Variants in NPFFR2 observed in about 807,000 individuals in gnomAD.
NPFFR2 encodes G-protein coupled receptor 74.
NPFFR2 carries 15 observed loss-of-function variants against 13.1 expected under a neutral mutation model. The observed-to-expected ratio is 1.15, with a 90% CI of 0.77 to 1.76. The LOEUF is 1.76. Ranked by LOEUF, NPFFR2 falls within the 40% of genes most tolerant of loss-of-function variation. The probability of loss-of-function intolerance (pLI) is 0.00; values close to 1 mark genes in which losing one functional copy is unlikely to be tolerated. For missense variants in NPFFR2, 572 were observed against 503.5 expected (o/e 1.14, Z -1.30); for synonymous variants, 190 against 175.7 (o/e 1.08, Z -0.65).
Position 72,147,507 on chromosome 4 carries a change from T to C in NPFFR2, c.958T>C (p.Trp320Arg). 1.9e-6 allele frequency: 3 copies of C among 1,614,220 alleles called. No individual in the cohort carries two copies. Among genetic ancestry groups the C allele is most frequent in the South Asian group, 1.1e-5 (1 of 91,090 alleles). The change falls in exon 4 of 4, where the codon TGG becomes CGG. Residue 320 changes from tryptophan to arginine, a missense_variant. By Grantham distance (101) the Trp-to-Arg change is moderately radical. Coordinates refer to ENST00000308744, the MANE Select transcript of NPFFR2 (RefSeq NM_004885.3). ...INIYIYPFAH[W>R]LAFGNSSVNP... ...CATCTACATCTACCCTTTTGCACACTGGCTGGCATTCGGCAACAGCAGTGT... is the reference window on the plus strand; with the variant it reads ...CATCTACATCTACCCTTTTGCACACCGGCTGGCATTCGGCAACAGCAGTGT...
intron 1 of NPFFR2, among the ~76,000 whole-genome samples, chr4:72,104,887 G>T (rs1467100947): frequency 1.3e-5 from 2 of 151,762 alleles, no homozygotes; most frequent in East Asian, 1.9e-4. Flanking sequence ...ATAGGAAATT[G>T]AGAAACCTGT....
At chr4:72,043,907 T>C (rs1719303949) in intron 1 of NPFFR2, among the ~76,000 whole-genome samples, 1 of 152,136 alleles carries the variant, frequency 6.6e-6, no homozygotes, top group Admixed American at 6.5e-5. Flanking sequence ...CAGAATGACA[T>C]GGTTTGGCTG....
intron 1 of NPFFR2, among the ~76,000 whole-genome samples, chr4:72,048,443 G>A (rs1420816185): frequency 6.6e-6 from 1 of 151,838 alleles, no homozygotes; most frequent in African/African-American, 2.4e-5. Flanking sequence ...ATTTTTCTTG[G>A]CCTCTTATTT....
intron 1 of NPFFR2, among the ~76,000 whole-genome samples, chr4:72,112,207 A>G (rs1721585138): frequency 2.0e-5 from 3 of 151,980 alleles, no homozygotes; most frequent in East Asian, 1.9e-4. Context: ...TTTCTAGACT[A>G]TAATAATTTG....
chr4:72,033,901 C>CTG (rs149608407), intron 1 of NPFFR2, among the ~76,000 whole-genome samples: 54 of 150,426 alleles, frequency 3.6e-4, no homozygotes, highest in South Asian at 1.7e-3. Context: ...TTCTTCGGCT[C>CTG]TGTGTGTGTG....
intron 2 of NPFFR2, among the ~76,000 whole-genome samples, chr4:72,136,476 G>T (rs1454798448): frequency 1.3e-5 from 2 of 152,182 alleles, no homozygotes; most frequent in Non-Finnish European, 2.9e-5. Context: ...TAGCGTGGCT[G>T]CCTGGAAGTT....
At chr4:72,140,965 T>G (rs1029788538) in intron 3 of NPFFR2, among the ~76,000 whole-genome samples, 1 of 152,130 alleles carries the variant, frequency 6.6e-6, no homozygotes, top group African/African-American at 2.4e-5. Flanking sequence ...GTTCAGAGAT[T>G]CAACTTCTTG....
chr4:72,136,713 C>G (rs1722427362), intron 2 of NPFFR2, among the ~76,000 whole-genome samples: 1 of 152,220 alleles, frequency 6.6e-6, no homozygotes, highest in Admixed American at 6.5e-5. Flanking sequence ...TTCTGCATCA[C>G]AGTGGCACTC....
intron 1 of NPFFR2, among the ~76,000 whole-genome samples, chr4:72,102,361 G>T (rs745892829): frequency 6.6e-6 from 1 of 151,920 alleles, no homozygotes; most frequent in Non-Finnish European, 1.5e-5. Flanking sequence ...TAATATACAG[G>T]ATGTATGAAT....
intron 1 of NPFFR2, among the ~76,000 whole-genome samples, chr4:72,080,735 G>T (rs980669297): frequency 6.6e-6 from 1 of 152,052 alleles, no homozygotes; most frequent in African/African-American, 2.4e-5. Flanking sequence ...GCTTAGAGTT[G>T]GATAAGAGAG....
intron 1 of NPFFR2, among the ~76,000 whole-genome samples, chr4:72,074,983 A>AT (rs1399868179): frequency 6.6e-6 from 1 of 152,054 alleles, no homozygotes; most frequent in East Asian, 1.9e-4. Flanking sequence ...AAATATGTTT[A>AT]TTTTTTGTGA....
intron 1 of NPFFR2, among the ~76,000 whole-genome samples, chr4:72,046,460 G>T (rs1294678266): frequency 6.6e-6 from 1 of 151,980 alleles, no homozygotes; most frequent in Non-Finnish European, 1.5e-5. Context: ...TTCCACAGTG[G>T]GATATCCCTC....
chr4:72,060,497 C>T (rs1719889346), intron 1 of NPFFR2, among the ~76,000 whole-genome samples: 1 of 152,012 alleles, frequency 6.6e-6, no homozygotes, highest in African/African-American at 2.4e-5. Flanking sequence ...CCTAGTGATA[C>T]AATGAAGAGG....
At chr4:72,134,778 G>A (rs61150368) in intron 2 of NPFFR2, among the ~76,000 whole-genome samples, 8,863 of 151,912 alleles carry the variant, frequency 0.058, 843 homozygotes, top group East Asian at 0.47. Flanking sequence ...TACGTTTCCC[G>A]GTGTTTTCTG....
chr4:72,068,090 T>G (rs529901778), intron 1 of NPFFR2, among the ~76,000 whole-genome samples: 1 of 152,336 alleles, frequency 6.6e-6, no homozygotes, highest in East Asian at 1.9e-4. Flanking sequence ...CTTCCCTATA[T>G]TTTGGTATCT....
At chr4:72,064,271 T>G (rs996329361) in intron 1 of NPFFR2, among the ~76,000 whole-genome samples, 37 of 152,240 alleles carry the variant, frequency 2.4e-4, no homozygotes, top group African/African-American at 8.9e-4. Context: ...TCTCTCAGGC[T>G]GCCATCAAGG....
chr4:72,093,481 G>A (rs906475741), intron 1 of NPFFR2, among the ~76,000 whole-genome samples: 3 of 152,030 alleles, frequency 2.0e-5, no homozygotes, highest in Non-Finnish European at 4.4e-5. Flanking sequence ...CTTAGGTTTG[G>A]TCATTTAATG....
chr4:72,048,804 G>A, intron 1 of NPFFR2, among the ~76,000 whole-genome samples: 1 of 151,748 alleles, frequency 6.6e-6, no homozygotes, highest in Non-Finnish European at 1.5e-5. Context: ...TTATTGTGAA[G>A]TTTTAGAGTT....
At chr4:72,069,481 A>T (rs1720181064) in intron 1 of NPFFR2, among the ~76,000 whole-genome samples, 1 of 152,168 alleles carries the variant, frequency 6.6e-6, no homozygotes, top group South Asian at 2.1e-4. Context: ...AACCGGAAAA[A>T]TTCTAAAAAG....
Sources: gnomAD v4.1 joint callset for allele counts (sites outside exome capture counted in the v4.1 genomes callset) on GRCh38, gnomAD v4.1.1 for gene constraint, MANE v1.5 for transcripts, NCBI Gene and HGNC (gene_info 2026-07-23, HGNC 2026-07-21) for gene names.